The following SH3BGRL variants were observed in gnomAD, a reference collection of about 807,000 sequenced individuals.
The protein encoded by SH3BGRL is adapter SH3BGRL.
In SH3BGRL, 7 loss-of-function variants were observed where a neutral mutation model predicts 9.8. The observed-to-expected ratio is 0.72, with a 90% CI of 0.41 to 1.35. SH3BGRL has a LOEUF of 1.35. SH3BGRL is among the 40% of genes most tolerant of loss of function. SH3BGRL has a pLI of 0.01. For synonymous variants in SH3BGRL, 36 were observed against 29.1 expected, an observed-to-expected ratio of 1.24 and a Z score of -0.76; for missense variants, 73 against 84.4, an observed-to-expected ratio of 0.86 and a Z score of 0.53.
At position 81,281,576 on chromosome X, in the gene SH3BGRL, A is replaced by G. The variant is rs1194772980; in HGVS notation, c.312+3165A>G. Among the ~76,000 whole-genome samples, 28 of 112,300 alleles carry G rather than the reference A, an allele frequency of 2.5e-4. No individual in the cohort carries two copies. The Admixed American group carries it at 2.6e-3, about 10-fold the overall frequency. On this transcript the variant is annotated intron_variant, in intron 3 of 3. Coordinates refer to ENST00000373212, the MANE Select transcript of SH3BGRL (RefSeq NM_003022.3). ...TTTGTATCCAGTGAAATTAAGCATC[A>G]TATATGAAGGAAAGATTCAGCTCTT...
rs1004084357 is a variant in SH3BGRL at position 81,259,969 on chromosome X, T to C, written c.46-17015T>C. The stretch of plus-strand genomic sequence containing the variant: ...AAATCTTAAAGATCCAGGAGGCTTT[T>C]ATTGCTGCTGGCATGTTTCTTTGTT... On this transcript the variant is annotated intron_variant, in intron 1 of 3. Transcript: ENST00000373212. Among the ~76,000 whole-genome samples the C allele has an allele frequency of 5.4e-5, 6 of 111,896 alleles. 1 individual carries two copies. Among genetic ancestry groups the C allele is most frequent in the Admixed American group, 1.9e-4 (2 of 10,453 alleles).
chrX:81,282,847 A>T (rs1288124122), intron 3 of SH3BGRL, among the ~76,000 whole-genome samples: 1 of 112,348 alleles, frequency 8.9e-6, no homozygotes. Context: ...AATTAAATTG[A>T]AACAAAAAAA....
intron 1 of SH3BGRL, among the ~76,000 whole-genome samples, chrX:81,245,567 T>C (rs2075685918): frequency 8.9e-6 from 1 of 112,206 alleles, no homozygotes; most frequent in African/African-American, 3.2e-5. Flanking sequence ...TGATTGTTCA[T>C]GCCTCACTGT....
chrX:81,220,483 A>AT (rs1250812044), intron 1 of SH3BGRL, among the ~76,000 whole-genome samples: 2 of 110,574 alleles, frequency 1.8e-5, no homozygotes, highest in Non-Finnish European at 3.8e-5. Context: ...TTAATCACTG[A>AT]TTTTATTTAA....
intron 1 of SH3BGRL, among the ~76,000 whole-genome samples, chrX:81,248,749 C>A (rs770410883): frequency 1.8e-5 from 2 of 111,887 alleles, no homozygotes; most frequent in African/African-American, 3.2e-5. Flanking sequence ...GCAGCTTTTC[C>A]TGGTGTCTTT....
chrX:81,263,738 G>A (rs906220356), intron 1 of SH3BGRL, among the ~76,000 whole-genome samples: 10 of 110,664 alleles, frequency 9.0e-5, no homozygotes, highest in Admixed American at 7.7e-4. Flanking sequence ...TAAAAAGTTC[G>A]TTGGGCATTT....
Position 81,217,717 on chromosome X carries a change from A to G in SH3BGRL, c.45+15472A>G, listed in dbSNP as rs757370744. On this transcript the variant is annotated intron_variant, in intron 1 of 3. Transcript: ENST00000373212. Reference sequence around the variant, plus strand: ...TGTTCTATGTGCTGATAAAAAATGTATATTCTGCAGTTGTTGGGTAGAATG... The same window carrying G: ...TGTTCTATGTGCTGATAAAAAATGTGTATTCTGCAGTTGTTGGGTAGAATG... Among the ~76,000 whole-genome samples, 3 of 111,443 alleles carry G rather than the reference A, an allele frequency of 2.7e-5. No homozygotes were observed. In the East Asian group the frequency reaches 8.5e-4, roughly 31 times the overall value.
chrX:81,296,654 T>C (rs920475966), intron 3 of SH3BGRL, among the ~76,000 whole-genome samples: 13 of 111,783 alleles, frequency 1.2e-4, no homozygotes, highest in Admixed American at 6.6e-4. Context: ...CAACAAACTT[T>C]CCTTGAAGTT....
intron 3 of SH3BGRL, among the ~76,000 whole-genome samples, chrX:81,289,663 G>A (rs2075850462): frequency 9.0e-6 from 1 of 111,045 alleles, no homozygotes; most frequent in Non-Finnish European, 1.9e-5. Context: ...TTTGAGACCT[G>A]CCTGACCAAC....
intron 3 of SH3BGRL, among the ~76,000 whole-genome samples, chrX:81,283,703 G>A (rs1602627859): frequency 9.0e-6 from 1 of 111,413 alleles, no homozygotes. Flanking sequence ...CAAACCCACA[G>A]CCAACATAAT....
At chrX:81,221,007 T>A (rs893998688) in intron 1 of SH3BGRL, among the ~76,000 whole-genome samples, 7 of 111,450 alleles carry the variant, frequency 6.3e-5, no homozygotes, top group African/African-American at 2.3e-4. Flanking sequence ...TTTGAGGAAT[T>A]TTTAAAGACT....
intron 1 of SH3BGRL, among the ~76,000 whole-genome samples, chrX:81,273,663 T>A (rs920246666): frequency 9.1e-6 from 1 of 109,899 alleles, no homozygotes; most frequent in African/African-American, 3.3e-5. Context: ...TTTTTTTTTT[T>A]TTTTGGAAGG....
chrX:81,263,448 G>A (rs1170280675), intron 1 of SH3BGRL, among the ~76,000 whole-genome samples: 2 of 111,858 alleles, frequency 1.8e-5, no homozygotes, highest in Admixed American at 9.5e-5. Flanking sequence ...AACTGTCTTG[G>A]CATGTACGTT....
chrX:81,205,139 C>A (rs2075542755), intron 1 of SH3BGRL, among the ~76,000 whole-genome samples: 1 of 111,095 alleles, frequency 9.0e-6, no homozygotes, highest in South Asian at 3.7e-4. Context: ...CTATAGCCAC[C>A]CTATTGTGCA....
chrX:81,239,271 A>C (rs1413070782), intron 1 of SH3BGRL, among the ~76,000 whole-genome samples: 1 of 112,352 alleles, frequency 8.9e-6, no homozygotes, highest in East Asian at 2.8e-4. Context: ...ACTCAAAAGA[A>C]ATCAAGATAA....
chrX:81,264,167 C>T (rs2075749185), intron 1 of SH3BGRL, among the ~76,000 whole-genome samples: 1 of 111,054 alleles, frequency 9.0e-6, no homozygotes, highest in Non-Finnish European at 1.9e-5. Flanking sequence ...TGGTGTCTTA[C>T]TTAGTTACAT....
At chrX:81,292,029 C>T (rs775584340) in intron 3 of SH3BGRL, among the ~76,000 whole-genome samples, 54 of 111,412 alleles carry the variant, frequency 4.8e-4, no homozygotes, top group Non-Finnish European at 5.5e-4. Context: ...ACCAGGTCCA[C>T]GGTGCAAGCT....
intron 3 of SH3BGRL, among the ~76,000 whole-genome samples, chrX:81,294,735 T>C (rs1433946275): frequency 3.6e-5 from 4 of 111,499 alleles, no homozygotes; most frequent in African/African-American, 1.3e-4. Context: ...GCTTGCACCA[T>C]GTGCCTGGCA....
intron 1 of SH3BGRL, among the ~76,000 whole-genome samples, chrX:81,223,214 A>G (rs1366891962): frequency 9.0e-6 from 1 of 111,632 alleles, no homozygotes; most frequent in East Asian, 2.8e-4. Context: ...TTTTGTTGCC[A>G]TTGCTTTTGT....
Sources: allele counts gnomAD v4.1 joint callset (sites outside exome capture counted in the v4.1 genomes callset), GRCh38; gene constraint gnomAD v4.1.1; transcripts MANE v1.5; gene names NCBI Gene and HGNC (gene_info 2026-07-23, HGNC 2026-07-21).